AKT3: variants seen among roughly 807,000 people sequenced by gnomAD.
AKT3 encodes RAC-gamma serine/threonine-protein kinase.
Under a neutral mutation model 65.3 loss-of-function variants are expected in AKT3, and 15 were observed. The observed-to-expected ratio is 0.23, with a 90% CI of 0.15 to 0.35. The LOEUF is 0.35. AKT3 is among the 10% of genes least tolerant of loss of function. The pLI is 1.00. For missense variants in AKT3, 243 were observed against 576.5 expected (o/e 0.42, Z 5.92); for synonymous variants, 206 against 183.8 (o/e 1.12, Z -0.98).
intron 12 of AKT3, among the ~76,000 whole-genome samples, chr1:243,535,137 A>AATT (rs1671805282): frequency 1.7e-5 from 2 of 115,788 alleles, no homozygotes; most frequent in African/African-American, 1.1e-4. Flanking sequence ...AAAATATAAA[A>AATT]TTAAAAATTT....
At chr1:243,843,599 G>C in intron 1 of AKT3, 1 of 995,988 alleles carries the variant, frequency 1.0e-6, no homozygotes, top group Non-Finnish European at 1.2e-6. Context: ...AGAGGGAAGA[G>C]AATGAAAGTT....
intron 2 of AKT3, among the ~76,000 whole-genome samples, chr1:243,725,999 T>C (rs1449324478): frequency 1.3e-5 from 2 of 152,204 alleles, no homozygotes; most frequent in African/African-American, 4.8e-5. Flanking sequence ...TTAGTTCTCA[T>C]AAAGGCCTAG....
intron 2 of AKT3, among the ~76,000 whole-genome samples, chr1:243,729,378 A>G (rs905311024): frequency 6.6e-6 from 1 of 152,192 alleles, no homozygotes; most frequent in Non-Finnish European, 1.5e-5. Context: ...GAAAAGATTA[A>G]AAGGGTGGAA....
At chr1:243,492,736 T>A (rs1179273790) in intron 13 of AKT3, among the ~76,000 whole-genome samples, 1 of 150,466 alleles carries the variant, frequency 6.6e-6, no homozygotes, top group Non-Finnish European at 1.5e-5. Flanking sequence ...GCCTCCCAAG[T>A]AGCTGGGATT....
At chr1:243,846,864 A>T (rs937236403) in intron 1 of AKT3, among the ~76,000 whole-genome samples, 6 of 152,242 alleles carry the variant, frequency 3.9e-5, no homozygotes, top group African/African-American at 1.2e-4. Flanking sequence ...AGTTTTTCTT[A>T]TGTGAAAATC....
In AKT3 at chr1:243,504,211, T is replaced by C. The variant is rs1669522462; in HGVS notation, c.*1038A>G. ...CTGCGTTTGCTAACATGACATACAA[T>C]TCTCATCACTAAAAAATAAATACTA... On this transcript the variant is annotated 3_prime_UTR_variant, in exon 14 of 14. Transcript: ENST00000673466. The C allele has an allele frequency of 4.7e-6, 1 of 213,594 alleles. No homozygotes were observed. Among genetic ancestry groups the C allele is most frequent in the Non-Finnish European group, 9.5e-6 (1 of 105,566 alleles). The allele number at this position is 213,594 out of a possible 1,614,324, so 13.2% of individuals were successfully genotyped here.
At chr1:243,565,546 T>C (rs1389636905) in intron 9 of AKT3, among the ~76,000 whole-genome samples, 3 of 152,198 alleles carry the variant, frequency 2.0e-5, no homozygotes, top group East Asian at 1.9e-4. Flanking sequence ...TTTTATTTTA[T>C]CCAAACTCAG....
At chr1:243,772,871 G>A (rs1459340356) in intron 2 of AKT3, among the ~76,000 whole-genome samples, 4 of 152,176 alleles carry the variant, frequency 2.6e-5, no homozygotes, top group Non-Finnish European at 4.4e-5. Flanking sequence ...AAAAGGATGA[G>A]TTCATGTCCT....
At chr1:243,605,932 T>C (rs1387755723) in intron 8 of AKT3, among the ~76,000 whole-genome samples, 1 of 152,098 alleles carries the variant, frequency 6.6e-6, no homozygotes, top group Non-Finnish European at 1.5e-5. Context: ...CTGCTGATAG[T>C]GAGTGAGTTC....
intron 4 of AKT3, among the ~76,000 whole-genome samples, chr1:243,650,379 T>G (rs1046024530): frequency 6.6e-6 from 1 of 152,244 alleles, no homozygotes; most frequent in African/African-American, 2.4e-5. Flanking sequence ...TGATGATAGT[T>G]TCTTTTGCTG....
intron 8 of AKT3, among the ~76,000 whole-genome samples, chr1:243,608,069 T>C (rs1312329365): frequency 1.3e-5 from 2 of 152,140 alleles, no homozygotes; most frequent in Non-Finnish European, 1.5e-5. Context: ...TTTTCAGCAG[T>C]GTGAGAACTA....
At chr1:243,585,093 C>G (rs1675693213) in intron 8 of AKT3, among the ~76,000 whole-genome samples, 1 of 152,004 alleles carries the variant, frequency 6.6e-6, no homozygotes, top group South Asian at 2.1e-4. Flanking sequence ...AGTAGCATTT[C>G]TATATACTGA....
At position 243,645,912 on chromosome 1, in the gene AKT3, G is replaced by A. The variant is rs202064755; in HGVS notation, c.410C>T (p.Thr137Ile). 41 of 1,611,636 alleles carry A rather than the reference G, an allele frequency of 2.5e-5. No homozygotes were observed. Among genetic ancestry groups the A allele is most frequent in the Non-Finnish European group, 3.5e-5 (41 of 1,178,496 alleles). Residue 137 changes from threonine to isoleucine, a missense_variant, in exon 5 of 14, where the codon ACA (threonine) becomes ATA (isoleucine). This residue lies in a region of AKT3 where 72 missense variants were observed against 86.0 expected (regional missense o/e 0.84). Transcript: ENST00000673466. ...TTCTACCTTTCTTTTATGATGGGTT[G>A]TAGAGGCATCCATCTCTTCCTCTCC... ...NIGEEEMDAS[T>I]THHKRKTMND...
At chr1:243,691,459 T>G (rs1325311741) in intron 3 of AKT3, among the ~76,000 whole-genome samples, 1 of 151,940 alleles carries the variant, frequency 6.6e-6, no homozygotes, top group Non-Finnish European at 1.5e-5. Flanking sequence ...AGAGTATGAG[T>G]GGTACAAACT....
intron 10 of AKT3, among the ~76,000 whole-genome samples, chr1:243,553,565 G>A (rs1480283364): frequency 6.6e-6 from 1 of 152,174 alleles, no homozygotes; most frequent in Non-Finnish European, 1.5e-5. Context: ...GGTACGAGCT[G>A]TAATAAACTT....
chr1:243,555,206 A>C (rs1673331496), intron 10 of AKT3, among the ~76,000 whole-genome samples: 1 of 152,164 alleles, frequency 6.6e-6, no homozygotes, highest in African/African-American at 2.4e-5. Flanking sequence ...ATGTAAACTT[A>C]AGCAATGCTG....
chr1:243,547,109 G>GC (rs1485883220), intron 11 of AKT3: 1 of 152,072 alleles, frequency 6.6e-6, no homozygotes. Flanking sequence ...AGTAAGTGCA[G>GC]CCCCAACTCA....
chr1:243,673,684 G>A (rs1487288807), intron 3 of AKT3, among the ~76,000 whole-genome samples: 1 of 149,486 alleles, frequency 6.7e-6, no homozygotes, highest in Non-Finnish European at 1.5e-5. Context: ...CGCGATCTCG[G>A]CTCACTGCAA....
chr1:243,750,408 TACAC>T (rs56210876), intron 2 of AKT3, among the ~76,000 whole-genome samples: 7,678 of 149,300 alleles, frequency 0.051, 255 homozygotes, highest in Middle Eastern at 0.076. Flanking sequence ...CATGCACGTA[TACAC>T]ACACACACAC....
Sources: allele counts gnomAD v4.1 joint callset (sites outside exome capture counted in the v4.1 genomes callset), GRCh38; gene constraint gnomAD v4.1.1; regional missense constraint gnomAD v4.1.1; transcripts MANE v1.5; gene names NCBI Gene and HGNC (gene_info 2026-07-23, HGNC 2026-07-21).